The following KIT variants were observed in gnomAD, a reference collection of about 807,000 sequenced individuals.
KIT encodes mast/stem cell growth factor receptor Kit.
KIT carries 16 observed loss-of-function variants against 105.7 expected under a neutral mutation model. The observed-to-expected ratio is 0.15, with a 90% CI of 0.10 to 0.23. KIT has a LOEUF of 0.23. KIT is among the 10% of genes least tolerant of loss of function. The probability of loss-of-function intolerance (pLI) is 1.00; values close to 1 mark genes in which losing one functional copy is unlikely to be tolerated. For synonymous variants in KIT, 438 were observed against 441.1 expected (o/e 0.99, Z 0.09); for missense variants, 858 against 1,213.8 (o/e 0.71, Z 4.36).
chr4:54,704,616 A>G (rs958907585), intron 5 of KIT, among the ~76,000 whole-genome samples: 1 of 152,190 alleles, frequency 6.6e-6, no homozygotes, highest in Non-Finnish European at 1.5e-5. Context: ...AGCAGAGCAT[A>G]GTGAGTTTCT....
chr4:54,706,066 C>A (rs1720769873), intron 5 of KIT, among the ~76,000 whole-genome samples: 1 of 151,556 alleles, frequency 6.6e-6, no homozygotes, highest in African/African-American at 2.4e-5. Flanking sequence ...TTTCTAAGGA[C>A]TCCATTATTT....
chr4:54,667,010 G>T (rs1405488384), intron 1 of KIT, among the ~76,000 whole-genome samples: 2 of 152,156 alleles, frequency 1.3e-5, no homozygotes, highest in African/African-American at 4.8e-5. Context: ...GTCAAAATAA[G>T]ACAAAAGGAA....
rs1461806851 is a variant in KIT at position 54,710,973 on chromosome 4, A to C, written c.1231+1434A>C. On this transcript the variant is annotated intron_variant, in intron 7 of 20. Coordinates refer to ENST00000288135, the MANE Select transcript of KIT (RefSeq NM_000222.3). ...TAGCTCACTATATCCTTGTACTCCT[A>C]GGCCCAAGAGATCCTTCCGCTTCAG... Among the ~76,000 whole-genome samples the C allele has an allele frequency of 2.6e-5, 4 of 152,294 alleles. No individual in the cohort carries two copies. The South Asian group carries it at 8.3e-4, about 32-fold the overall frequency.
chr4:54,663,733 C>G (rs1414425757), intron 1 of KIT, among the ~76,000 whole-genome samples: 1 of 152,100 alleles, frequency 6.6e-6, no homozygotes, highest in Admixed American at 6.5e-5. Context: ...TGAAAGCAGT[C>G]AAGGAGCTTT....
At chr4:54,708,728 G>A (rs1188213564) in intron 6 of KIT, among the ~76,000 whole-genome samples, 3 of 152,128 alleles carry the variant, frequency 2.0e-5, no homozygotes, top group Non-Finnish European at 2.9e-5. Flanking sequence ...TTGGCACACC[G>A]CCTATGGCAA....
chr4:54,667,455 A>C (rs2282778), intron 1 of KIT, among the ~76,000 whole-genome samples: 1 of 152,052 alleles, frequency 6.6e-6, no homozygotes, highest in Non-Finnish European at 1.5e-5. Flanking sequence ...TTAAGTTAAC[A>C]ATTCCAGTCC....
chr4:54,704,443 G>A (rs1720654356), intron 5 of KIT, among the ~76,000 whole-genome samples: 1 of 152,032 alleles, frequency 6.6e-6, no homozygotes, highest in African/African-American at 2.4e-5. Context: ...AGGAAGGAGT[G>A]CCATTGGGAC....
chr4:54,694,660 G>C (rs188796482), intron 1 of KIT, among the ~76,000 whole-genome samples: 21 of 152,282 alleles, frequency 1.4e-4, no homozygotes, highest in East Asian at 5.8e-4. Flanking sequence ...GATTACAGGC[G>C]TGAGCCACGG....
At chr4:54,682,750 GT>G (rs139702771) in intron 1 of KIT, among the ~76,000 whole-genome samples, 24,787 of 134,044 alleles carry the variant, frequency 0.18, 3,962 homozygotes, top group African/African-American at 0.45. Context: ...TGTCTTGACC[GT>G]TTTTTTTTTT....
At chr4:54,694,172 T>C (rs1009146460) in intron 1 of KIT, among the ~76,000 whole-genome samples, 2 of 152,180 alleles carry the variant, frequency 1.3e-5, no homozygotes, top group Admixed American at 6.5e-5. Flanking sequence ...CCCTGTTTTT[T>C]AGCCAGGCTG....
At chr4:54,732,954 C>T (rs1722702058) in intron 16 of KIT, 116 bp from the exon 17 acceptor site, 1 of 863,540 alleles carries the variant, frequency 1.2e-6, no homozygotes, top group African/African-American at 1.7e-5. Context: ...TACTTTAAAA[C>T]AAAAGTATTG....
Position 54,690,056 on chromosome 4 carries a change from T to TG in KIT, c.68-5455dup, listed in dbSNP as rs563305299. On this transcript the variant is annotated intron_variant, in intron 1 of 20. Transcript: ENST00000288135. ...CATGTATAGAATGTTACTTTTTTTT[T>TG]GTGGGGGGGGGGGGCTGTGTAATGT... is the stretch of plus-strand genomic sequence containing the variant. Among the ~76,000 whole-genome samples, 657 of 106,700 alleles carry TG rather than the reference T, an allele frequency of 6.2e-3. 30 individuals are homozygous for TG. In the East Asian group the frequency reaches 0.11, roughly 17 times the overall value. 70.0% of individuals were successfully genotyped at this position (106,700 alleles called of 152,430 possible). A position where few individuals can be genotyped will look rare whatever the true frequency, so the allele number is the denominator to read the frequency against.
intron 2 of KIT, among the ~76,000 whole-genome samples, chr4:54,697,255 T>C (rs1404310863): frequency 6.6e-6 from 1 of 152,188 alleles, no homozygotes; most frequent in Non-Finnish European, 1.5e-5. Context: ...GGGAGATGCA[T>C]AATTTATCTT....
chr4:54,721,717 T>TA (rs1275603120), intron 7 of KIT, among the ~76,000 whole-genome samples: 2 of 152,228 alleles, frequency 1.3e-5, no homozygotes, highest in Non-Finnish European at 2.9e-5. Flanking sequence ...TTATCAGTGT[T>TA]ACCTTCCTTT....
rs374018055 is a variant in KIT, at chr4:54,725,401, G to C, written c.1347-456G>C. ...ATTACAGGTGTGAGCTACTGCGCCC[G>C]GCCCCTTGAAGATTTTTTATGCTTT... On this transcript the variant is annotated intron_variant, in intron 8 of 20. Coordinates refer to ENST00000288135, the MANE Select transcript of KIT (RefSeq NM_000222.3). 9.1e-4 allele frequency among the ~76,000 whole-genome samples: 138 copies of C among 152,174 alleles called. No homozygotes were observed. In the South Asian group the frequency reaches 0.026, roughly 28 times the overall value.
At chr4:54,670,209 T>G (rs2237028) in intron 1 of KIT, among the ~76,000 whole-genome samples, 65,800 of 152,038 alleles carry the variant, frequency 0.43, 14,527 homozygotes, top group African/African-American at 0.48. Flanking sequence ...CTCTTTCACA[T>G]CTGAGAGAGA....
Position 54,736,621 on chromosome 4 carries a change from C to T in KIT, c.2596+12C>T. On this transcript the variant is annotated intron_variant, in intron 18 of 20. Transcript: ENST00000288135. The stretch of plus-strand genomic sequence containing the variant: ...GCTGTTCTCTTTAGGTAAAATGATC[C>T]TTGCCAAAGACAACTTCATTAGACT... 6.2e-7 allele frequency: 1 copy of T among 1,607,042 alleles called. No homozygotes were observed. The highest frequency in any genetic ancestry group is 8.5e-7 in the Non-Finnish European group (1 of 1,173,626).
At chr4:54,714,619 T>C (rs945415987) in intron 7 of KIT, among the ~76,000 whole-genome samples, 13 of 152,358 alleles carry the variant, frequency 8.5e-5, no homozygotes, top group African/African-American at 3.1e-4. Flanking sequence ...GATAAACCAG[T>C]TGTTTTTCAA....
intron 1 of KIT, among the ~76,000 whole-genome samples, chr4:54,691,465 A>G (rs1390338949): frequency 1.3e-5 from 2 of 152,124 alleles, no homozygotes; most frequent in Non-Finnish European, 2.9e-5. Flanking sequence ...TTTACACAAG[A>G]CAAGATGTGT....
Sources: allele counts gnomAD v4.1 joint callset (sites outside exome capture counted in the v4.1 genomes callset), GRCh38; gene constraint gnomAD v4.1.1; transcripts MANE v1.5; gene names NCBI Gene and HGNC (gene_info 2026-07-23, HGNC 2026-07-21).